The following TMTC2 variants were observed in gnomAD, a reference collection of about 807,000 sequenced individuals.
The protein encoded by TMTC2 is protein O-mannosyl-transferase TMTC2.
Under a neutral mutation model 82.4 loss-of-function variants are expected in TMTC2, and 43 were observed. The observed-to-expected ratio is 0.52, with a 90% CI of 0.41 to 0.67. The LOEUF is 0.67. TMTC2 is among the 30% of genes least tolerant of loss of function. The probability of loss-of-function intolerance (pLI) is 0.00; values close to 1 mark genes in which losing one functional copy is unlikely to be tolerated. For synonymous variants in TMTC2, 408 were observed against 381.9 expected, an observed-to-expected ratio of 1.07 and a Z score of -0.80; for missense variants, 919 against 1,012.4, an observed-to-expected ratio of 0.91 and a Z score of 1.25.
intron 1 of TMTC2, among the ~76,000 whole-genome samples, chr12:82,799,466 C>T (rs180696114): frequency 1.2e-4 from 19 of 152,182 alleles, no homozygotes; most frequent in East Asian, 7.7e-4. Context: ...ATAGGGGGTA[C>T]GAGTTTCCCA....
At chr12:83,049,141 T>G (rs1321142949) in intron 9 of TMTC2, among the ~76,000 whole-genome samples, 2 of 152,208 alleles carry the variant, frequency 1.3e-5, no homozygotes, top group Non-Finnish European at 2.9e-5. Context: ...TATCTTTCCC[T>G]TTTATTTTAG....
At chr12:82,786,213 T>C (rs1234670970) in intron 1 of TMTC2, among the ~76,000 whole-genome samples, 1 of 152,022 alleles carries the variant, frequency 6.6e-6, no homozygotes, top group Non-Finnish European at 1.5e-5. Context: ...GAAAGAAAAA[T>C]GCAAGGAAAC....
intron 1 of TMTC2, among the ~76,000 whole-genome samples, chr12:82,787,169 G>GT (rs1353008390): frequency 6.6e-6 from 1 of 152,004 alleles, no homozygotes; most frequent in Non-Finnish European, 1.5e-5. Flanking sequence ...AGACAAAGCA[G>GT]TTTTTATCAT....
At chr12:83,104,202 C>G (rs1436045278) in intron 11 of TMTC2, among the ~76,000 whole-genome samples, 1 of 152,188 alleles carries the variant, frequency 6.6e-6, no homozygotes, top group Non-Finnish European at 1.5e-5. Context: ...CTGTGCCTTT[C>G]TGAGGCCCAG....
Position 82,908,802 on chromosome 12 carries a change from CTT to C in TMTC2, c.1483+12164_1483+12165del, listed in dbSNP as rs532056086. Reference sequence around the variant, plus strand: ...CATAATGTTTTGGTTATAGATGACTCTTTTTTTTTCCTGTTGATTTAATTTCT... The same window carrying C: ...CATAATGTTTTGGTTATAGATGACTCTTTTTTTCCTGTTGATTTAATTTCT... On this transcript the variant is annotated intron_variant, in intron 3 of 11. Coordinates refer to ENST00000321196, the MANE Select transcript of TMTC2 (RefSeq NM_152588.3). Among the ~76,000 whole-genome samples the C allele has an allele frequency of 2.8e-3, 423 of 151,260 alleles. 3 individuals are homozygous for C. Among genetic ancestry groups the C allele is most frequent in the African/African-American group, 9.8e-3 (405 of 41,302 alleles).
intron 2 of TMTC2, among the ~76,000 whole-genome samples, chr12:82,875,574 G>A (rs1872444559): frequency 2.0e-5 from 3 of 152,054 alleles, no homozygotes; most frequent in African/African-American, 4.8e-5. Context: ...TTTTGAAAAT[G>A]AGCTAAGTCA....
At chr12:82,801,583 G>A (rs960173430) in intron 1 of TMTC2, among the ~76,000 whole-genome samples, 4 of 152,098 alleles carry the variant, frequency 2.6e-5, no homozygotes, top group South Asian at 4.1e-4. Context: ...TGATTAGTGC[G>A]TTTACAATCC....
At chr12:82,723,487 C>T (rs1481458929) in intron 1 of TMTC2, among the ~76,000 whole-genome samples, 1 of 152,170 alleles carries the variant, frequency 6.6e-6, no homozygotes, top group Non-Finnish European at 1.5e-5. Context: ...TTCGCACATA[C>T]ATCATGAGGT....
intron 1 of TMTC2, among the ~76,000 whole-genome samples, chr12:82,740,508 T>C (rs1054666321): frequency 6.6e-6 from 1 of 152,176 alleles, no homozygotes; most frequent in African/African-American, 2.4e-5. Context: ...TCTGTGTGTG[T>C]TGTGGATTTA....
intron 11 of TMTC2, among the ~76,000 whole-genome samples, chr12:83,099,383 CACA>C (rs1246840169): frequency 1.3e-5 from 2 of 152,092 alleles, no homozygotes; most frequent in African/African-American, 4.8e-5. Context: ...TCTTACTGCG[CACA>C]ACATCTTCTC....
chr12:83,033,822 GTGTGTGTGTGTATATATATGTA>G (rs1881548445), intron 9 of TMTC2, among the ~76,000 whole-genome samples: 1 of 150,148 alleles, frequency 6.7e-6, no homozygotes, highest in African/African-American at 2.5e-5. Context: ...GTGTGTGTGT[GTGTGTGTGTGTATATATATGTA>G]TGTGTATATA....
intron 4 of TMTC2, among the ~76,000 whole-genome samples, chr12:82,964,310 T>C (rs1166942857): frequency 6.6e-6 from 1 of 152,038 alleles, no homozygotes; most frequent in Non-Finnish European, 1.5e-5. Flanking sequence ...GGTTCTGGCA[T>C]GGCTGAGATA....
chr12:82,775,658 A>G (rs1252830610), intron 1 of TMTC2, among the ~76,000 whole-genome samples: 1 of 152,132 alleles, frequency 6.6e-6, no homozygotes, highest in Non-Finnish European at 1.5e-5. Context: ...ACAGTCTCAA[A>G]AAGAAAAATA....
At chr12:82,781,427 A>G (rs907389927) in intron 1 of TMTC2, among the ~76,000 whole-genome samples, 4 of 147,956 alleles carry the variant, frequency 2.7e-5, no homozygotes, top group Non-Finnish European at 4.5e-5. Flanking sequence ...TTTTAGCAGA[A>G]AAAAAATCTA....
At chr12:83,045,542 TA>T (rs1251731801) in intron 9 of TMTC2, among the ~76,000 whole-genome samples, 1 of 152,186 alleles carries the variant, frequency 6.6e-6, no homozygotes, top group Non-Finnish European at 1.5e-5. Context: ...TACCTTTCCT[TA>T]TTTTAATGAC....
chr12:82,735,627 G>A (rs1358358723), intron 1 of TMTC2, among the ~76,000 whole-genome samples: 2 of 150,884 alleles, frequency 1.3e-5, no homozygotes, highest in South Asian at 4.3e-4. Context: ...TTACAGGCGT[G>A]AGCCACCGCA....
chr12:83,060,631 G>A (rs1279180676), intron 10 of TMTC2, among the ~76,000 whole-genome samples: 1 of 151,750 alleles, frequency 6.6e-6, no homozygotes, highest in East Asian at 1.9e-4. Flanking sequence ...GCATTTTCCT[G>A]TAGCATTTTT....
chr12:82,772,995 TTTTG>T (rs1877390026), intron 1 of TMTC2, among the ~76,000 whole-genome samples: 4 of 152,230 alleles, frequency 2.6e-5, no homozygotes, highest in African/African-American at 4.8e-5. Flanking sequence ...GAAAGGTATT[TTTTG>T]TTTGTGTTTA....
chr12:83,102,631 A>T (rs1392354481), intron 11 of TMTC2, among the ~76,000 whole-genome samples: 2 of 152,222 alleles, frequency 1.3e-5, no homozygotes, highest in Admixed American at 1.3e-4. Flanking sequence ...AAGCTAAACA[A>T]AGTGGAGTAT....
Sources: gnomAD v4.1 joint callset for allele counts (sites outside exome capture counted in the v4.1 genomes callset) on GRCh38, gnomAD v4.1.1 for gene constraint, MANE v1.5 for transcripts, NCBI Gene and HGNC (gene_info 2026-07-23, HGNC 2026-07-21) for gene names.